Variants in IMPG2 observed in about 807,000 individuals in gnomAD.
IMPG2 encodes interphotoreceptor matrix proteoglycan 2.
In IMPG2, 91 loss-of-function variants were observed where a neutral mutation model predicts 129.2. The ratio of observed to expected loss-of-function variants is 0.70; its 90% CI spans 0.59 to 0.84. The LOEUF is 0.84. IMPG2 is among the 40% of genes least tolerant of loss of function. IMPG2 has a pLI of 0.00. For synonymous variants in IMPG2, 510 were observed against 517.7 expected (o/e 0.99, Z 0.20); for missense variants, 1,430 against 1,461.7 (o/e 0.98, Z 0.35).
At chr3:101,250,446 C>T (rs1706531656) in intron 11 of IMPG2, among the ~76,000 whole-genome samples, 1 of 152,062 alleles carries the variant, frequency 6.6e-6, no homozygotes, top group South Asian at 2.1e-4. Flanking sequence ...TGTATGTGAA[C>T]ATAACAAAAT....
intron 4 of IMPG2, among the ~76,000 whole-genome samples, chr3:101,290,487 C>T (rs527836): frequency 0.72 from 110,016 of 151,868 alleles, 40,832 homozygotes; most frequent in East Asian, 0.84. Context: ...CCAGCCTGGG[C>T]GACAGAGCAA....
At chr3:101,280,319 T>C (rs1039364347) in intron 4 of IMPG2, among the ~76,000 whole-genome samples, 2 of 152,234 alleles carry the variant, frequency 1.3e-5, no homozygotes, top group African/African-American at 4.8e-5. Flanking sequence ...TTCTATACTT[T>C]GCTTTGCTCT....
chr3:101,260,301 G>A (rs72932458), intron 9 of IMPG2, among the ~76,000 whole-genome samples: 3,281 of 152,182 alleles, frequency 0.022, 111 homozygotes, highest in African/African-American at 0.075. Flanking sequence ...ACACCCTGAT[G>A]CTCTAAGTAG....
chr3:101,273,648 T>C lies in IMPG2; in HGVS notation c.761A>G (p.Tyr254Cys). 1.2e-6 allele frequency: 2 copies of C among 1,614,202 alleles called. No homozygotes were observed. Among genetic ancestry groups the C allele is most frequent in the Non-Finnish European group, 1.7e-6 (2 of 1,180,012 alleles). Residue 254 changes from tyrosine (Y) to cysteine (C), a missense_variant, in exon 7 of 19, where the codon TAC becomes TGC. Tyr to Cys is a radical substitution (Grantham distance 194). Transcript: ENST00000193391. ...GGAGGAATCCTGTAGTTCTTCCCTGTACTGCTTCCCCAAAAGGTGGATACT... is the reference window on the plus strand; with the variant it reads ...GGAGGAATCCTGTAGTTCTTCCCTGCACTGCTTCCCCAAAAGGTGGATACT... ...EFSIHLLGKQ[Y>C]REELQDSSSF...
chr3:101,274,988 G>A (rs1576759971), intron 6 of IMPG2, among the ~76,000 whole-genome samples: 1 of 151,790 alleles, frequency 6.6e-6, no homozygotes, highest in South Asian at 2.1e-4. Context: ...AAATGTCCAC[G>A]TTGGGAAGTG....
At chr3:101,255,410 G>T (rs552223433) in intron 10 of IMPG2, among the ~76,000 whole-genome samples, 4 of 152,194 alleles carry the variant, frequency 2.6e-5, no homozygotes, top group Middle Eastern at 3.4e-3. Flanking sequence ...CTTTATGAAA[G>T]TAGCTCCACC....
At chr3:101,244,886 T>A in intron 12 of IMPG2, 99 bp from the exon 13 acceptor site, 1 of 994,378 alleles carries the variant, frequency 1.0e-6, no homozygotes, top group South Asian at 1.4e-5. Context: ...CCTGTGAAGT[T>A]AAGAGGGACA....
At position 101,238,496 on chromosome 3, in the gene IMPG2, A is replaced by G. The variant is rs572028959; in HGVS notation, c.3022+4192T>C. On this transcript the variant is annotated intron_variant, in intron 14 of 18. Coordinates refer to ENST00000193391, the MANE Select transcript of IMPG2 (RefSeq NM_016247.4). Reference sequence around the variant, plus strand: ...AAGGTCGGGTTACCCACAAAGGGAAACCCATCAGACTAACAGCGGATCTCT... The same window carrying G: ...AAGGTCGGGTTACCCACAAAGGGAAGCCCATCAGACTAACAGCGGATCTCT... 3.2e-4 allele frequency among the ~76,000 whole-genome samples: 48 copies of G among 152,258 alleles called. 1 individual carries two copies. The East Asian group carries it at 8.1e-3, about 26-fold the overall frequency.
intron 2 of IMPG2, among the ~76,000 whole-genome samples, chr3:101,317,661 A>G (rs944069244): frequency 1.3e-5 from 2 of 152,172 alleles, no homozygotes; most frequent in Non-Finnish European, 2.9e-5. Context: ...TCTCAGCTAT[A>G]ATCTTGATGT....
At chr3:101,289,999 A>G (rs1184189443) in intron 4 of IMPG2, among the ~76,000 whole-genome samples, 2 of 151,402 alleles carry the variant, frequency 1.3e-5, no homozygotes, top group African/African-American at 2.4e-5. Context: ...AAAGAAACAG[A>G]TTTGTGACGA....
chr3:101,222,624 A>G lies in IMPG2; in HGVS notation c.*4345T>C, dbSNP rs1706176647. 1 of 152,252 alleles carries G rather than the reference A, an allele frequency of 6.6e-6. No homozygotes were observed. Among genetic ancestry groups the G allele is most frequent in the Admixed American group, 6.5e-5 (1 of 15,286 alleles). The allele number at this position is 152,252 out of a possible 1,614,324, so 9.4% of individuals were successfully genotyped here. A position where few individuals can be genotyped will look rare whatever the true frequency, so the allele number is the denominator to read the frequency against. On this transcript the variant is annotated 3_prime_UTR_variant, in exon 19 of 19. Transcript: ENST00000193391. ...AAAACATCCTTATTTATTCATAAAG[A>G]CTTTAAAATGTTTATTTCTAATTAT...
intron 4 of IMPG2, among the ~76,000 whole-genome samples, chr3:101,283,206 G>A (rs1171508669): frequency 6.6e-6 from 1 of 151,830 alleles, no homozygotes; most frequent in Non-Finnish European, 1.5e-5. Flanking sequence ...TTGTATTTTT[G>A]TAGAGACGGG....
chr3:101,298,978 T>C (rs574988325), intron 3 of IMPG2, among the ~76,000 whole-genome samples: 2 of 152,360 alleles, frequency 1.3e-5, no homozygotes, highest in Admixed American at 6.5e-5. Flanking sequence ...TCCTGGATAA[T>C]ATCCTGAAGT....
intron 7 of IMPG2, among the ~76,000 whole-genome samples, chr3:101,273,019 A>C (rs1369843566): frequency 2.6e-5 from 4 of 152,214 alleles, no homozygotes; most frequent in African/African-American, 9.6e-5. Context: ...GAATTTTCCC[A>C]GAAAGTGAAG....
At position 101,269,647 on chromosome 3, in the gene IMPG2, A is replaced by C. The variant is rs1158822506; in HGVS notation, c.829-74T>G. 5.5e-6 allele frequency: 5 copies of C among 902,020 alleles called. No individual in the cohort carries two copies. In the East Asian group the frequency reaches 1.3e-4, roughly 24 times the overall value. 55.9% of individuals were successfully genotyped at this position (902,020 alleles called of 1,614,324 possible). ...ATATATAGAAAATAATGCTTTTAAG[A>C]GTAGAATAAAAAGTGAACTGTTCAC... On this transcript the variant is annotated intron_variant, in intron 7 of 18. Transcript: ENST00000193391.
intron 4 of IMPG2, among the ~76,000 whole-genome samples, chr3:101,289,118 A>G (rs1405845306): frequency 6.6e-6 from 1 of 152,240 alleles, no homozygotes; most frequent in Non-Finnish European, 1.5e-5. Context: ...AGGATCCTAC[A>G]GAAACCTGCT....
At chr3:101,314,632 T>C (rs1383796706) in intron 2 of IMPG2, among the ~76,000 whole-genome samples, 1 of 152,140 alleles carries the variant, frequency 6.6e-6, no homozygotes, top group Non-Finnish European at 1.5e-5. Flanking sequence ...ACATATACAC[T>C]TTGTACAAAC....
chr3:101,235,229 G>A (rs939271834), intron 14 of IMPG2, among the ~76,000 whole-genome samples: 3 of 152,234 alleles, frequency 2.0e-5, no homozygotes, highest in Non-Finnish European at 4.4e-5. Flanking sequence ...GAAGGAAAGT[G>A]TGAGAGTCTT....
At chr3:101,285,240 A>G (rs1286175683) in intron 4 of IMPG2, among the ~76,000 whole-genome samples, 2 of 152,198 alleles carry the variant, frequency 1.3e-5, no homozygotes, top group Middle Eastern at 3.2e-3. Context: ...CCATTCCTCT[A>G]CTGGTCCATC....
Sources: allele counts gnomAD v4.1 joint callset (sites outside exome capture counted in the v4.1 genomes callset), GRCh38; gene constraint gnomAD v4.1.1; transcripts MANE v1.5; gene names NCBI Gene and HGNC (gene_info 2026-07-23, HGNC 2026-07-21).